Variants in GALNT13 observed in about 807,000 individuals in gnomAD.
GALNT13 encodes polypeptide N-acetylgalactosaminyltransferase 13, also known as UDP-GalNAc:polypeptide N-acetylgalactosaminyltransferase 13.
A neutral mutation model predicts 64.2 loss-of-function variants in GALNT13; 28 were observed. The ratio of observed to expected loss-of-function variants is 0.44; its 90% CI spans 0.32 to 0.60. The LOEUF (loss-of-function observed/expected upper bound fraction) is 0.60. Ranked by LOEUF, GALNT13 falls within the 20% of genes least tolerant of loss-of-function variation. The pLI, the probability that GALNT13 is intolerant of heterozygous loss-of-function variation, is 0.05. For missense variants in GALNT13, 577 were observed against 669.8 expected (o/e 0.86, Z 1.53); for synonymous variants, 214 against 224.6 (o/e 0.95, Z 0.42).
At chr2:153,601,434 G>A in the GALNT13 span, among the ~76,000 whole-genome samples, 1 of 151,552 alleles carries the variant, frequency 6.6e-6, no homozygotes, top group Non-Finnish European at 1.5e-5. Flanking sequence ...TAATTGGTAA[G>A]GAATATGATA....
At chr2:153,330,302 A>C in the GALNT13 span, among the ~76,000 whole-genome samples, 1 of 152,128 alleles carries the variant, frequency 6.6e-6, no homozygotes, top group Non-Finnish European at 1.5e-5. Context: ...AGCTTTTTCT[A>C]GTTCTGTGAA....
chr2:153,337,512 A>G, the GALNT13 span, among the ~76,000 whole-genome samples: 18 of 152,228 alleles, frequency 1.2e-4, no homozygotes, highest in African/African-American at 4.1e-4. Context: ...AAGAATTGAC[A>G]ATAATCCTCA....
the GALNT13 span, among the ~76,000 whole-genome samples, chr2:153,330,383 A>T: frequency 1.3e-3 from 192 of 152,304 alleles, 1 homozygote; most frequent in African/African-American, 4.5e-3. Flanking sequence ...GGCCATTTTC[A>T]TGATATTAAT....
intron 3 of GALNT13, among the ~76,000 whole-genome samples, chr2:154,099,401 T>C (rs1296752859): frequency 2.0e-5 from 3 of 152,158 alleles, no homozygotes; most frequent in Non-Finnish European, 2.9e-5. Flanking sequence ...TCTTTTGCTG[T>C]GCAGAAGCAT....
chr2:154,335,231 G>T (rs1695373497), intron 9 of GALNT13, among the ~76,000 whole-genome samples: 1 of 130,588 alleles, frequency 7.7e-6, no homozygotes, highest in Non-Finnish European at 1.7e-5. Flanking sequence ...AACTGTTGAA[G>T]AAAAAAAAGA....
At chr2:153,717,659 T>C in the GALNT13 span, among the ~76,000 whole-genome samples, 2 of 152,224 alleles carry the variant, frequency 1.3e-5, no homozygotes, top group South Asian at 4.1e-4. Context: ...CTTTCTAGAC[T>C]GGTAGTACAT....
chr2:154,309,262 A>C (rs533056654), intron 9 of GALNT13, among the ~76,000 whole-genome samples: 70 of 152,026 alleles, frequency 4.6e-4, no homozygotes, highest in Admixed American at 1.6e-3. Context: ...CTTCAAATGA[A>C]TCTCCAACTC....
chr2:153,330,481 C>T, the GALNT13 span, among the ~76,000 whole-genome samples: 1 of 152,098 alleles, frequency 6.6e-6, no homozygotes, highest in African/African-American at 2.4e-5. Flanking sequence ...AGATCTATCA[C>T]CTCCTAGGTT....
At chr2:153,261,468 GGA>G in the GALNT13 span, among the ~76,000 whole-genome samples, 2 of 152,144 alleles carry the variant, frequency 1.3e-5, no homozygotes, top group African/African-American at 4.8e-5. Context: ...GTAAGATCCA[GGA>G]GAACTCCCTG....
chr2:153,859,022 CAT>C, the GALNT13 span, among the ~76,000 whole-genome samples: 19 of 152,192 alleles, frequency 1.2e-4, no homozygotes, highest in African/African-American at 4.1e-4. Flanking sequence ...GCATGAGCCA[CAT>C]GTCTGGCCAA....
chr2:153,831,912 A>G, the GALNT13 span, among the ~76,000 whole-genome samples: 13 of 152,282 alleles, frequency 8.5e-5, no homozygotes, highest in Non-Finnish European at 1.8e-4. Flanking sequence ...CTAGTTAATT[A>G]TGAGGTACTT....
chr2:154,402,210 C>T (rs1006438911), intron 10 of GALNT13, among the ~76,000 whole-genome samples: 1 of 152,076 alleles, frequency 6.6e-6, no homozygotes, highest in Non-Finnish European at 1.5e-5. Flanking sequence ...AATGGATTTT[C>T]TATGAGTTTT....
chr2:153,219,178 T>G, the GALNT13 span, among the ~76,000 whole-genome samples: 1 of 152,224 alleles, frequency 6.6e-6, no homozygotes, highest in Non-Finnish European at 1.5e-5. Context: ...ACCAATTTAG[T>G]CATGTTCTCT....
At chr2:153,906,873 G>A (rs1413793133) in intron 2 of GALNT13, among the ~76,000 whole-genome samples, 6 of 151,246 alleles carry the variant, frequency 4.0e-5, no homozygotes, top group East Asian at 1.9e-4. Flanking sequence ...CAGTGTAAAA[G>A]TGTTCCTATT....
At chr2:153,459,628 A>T in the GALNT13 span, among the ~76,000 whole-genome samples, 1,659 of 152,234 alleles carry the variant, frequency 0.011, 35 homozygotes, top group African/African-American at 0.038. Context: ...TTAATCTAAA[A>T]CTCTCAGATA....
chr2:154,353,895 G>A (rs1480104337), intron 9 of GALNT13, among the ~76,000 whole-genome samples: 1 of 152,114 alleles, frequency 6.6e-6, no homozygotes, highest in Non-Finnish European at 1.5e-5. Context: ...TCTTTACAAG[G>A]TGGTGATTTC....
At chr2:153,682,505 A>C in the GALNT13 span, among the ~76,000 whole-genome samples, 4 of 151,690 alleles carry the variant, frequency 2.6e-5, no homozygotes, top group African/African-American at 9.7e-5. Context: ...AACTGTGCAC[A>C]CTTTTCTATC....
chr2:153,704,766 A>G, the GALNT13 span, among the ~76,000 whole-genome samples: 1 of 152,214 alleles, frequency 6.6e-6, no homozygotes, highest in African/African-American at 2.4e-5. Flanking sequence ...TCTTGCAGTT[A>G]GGTTAATAGA....
intron 3 of GALNT13, among the ~76,000 whole-genome samples, chr2:154,103,649 T>C (rs1180286505): frequency 6.6e-6 from 1 of 152,144 alleles, no homozygotes; most frequent in Admixed American, 6.6e-5. Context: ...ACTTTTAAAT[T>C]TATTATTCTT....
Sources: allele counts gnomAD v4.1 joint callset (sites outside exome capture counted in the v4.1 genomes callset), GRCh38; gene constraint gnomAD v4.1.1; transcripts MANE v1.5; gene names NCBI Gene and HGNC (gene_info 2026-07-23, HGNC 2026-07-21).